The following SYCP3 variants were observed in gnomAD, a reference collection of about 807,000 sequenced individuals.
The protein encoded by SYCP3 is synaptonemal complex protein 3.
A neutral mutation model predicts 38.5 loss-of-function variants in SYCP3; 29 were observed. The observed-to-expected ratio is 0.75, with a 90% CI of 0.56 to 1.03. The LOEUF (loss-of-function observed/expected upper bound fraction) is 1.03, where lower values mean the gene tolerates loss of function less well. Among genes scored for constraint, SYCP3 ranks in the 50% least tolerant of loss-of-function variants. The probability of loss-of-function intolerance (pLI) is 0.00; values close to 1 mark genes in which losing one functional copy is unlikely to be tolerated. For missense variants in SYCP3, 242 were observed against 270.7 expected (o/e 0.89, Z 0.74); for synonymous variants, 79 against 80.3 (o/e 0.98, Z 0.08).
rs773962913 is a variant in SYCP3, at chr12:101,733,559, T to C, written c.453+16A>G. The C allele has an allele frequency of 6.2e-7, 1 of 1,605,942 alleles. No homozygotes were observed. Among genetic ancestry groups the C allele is most frequent in the Non-Finnish European group, 8.5e-7 (1 of 1,174,776 alleles). ...CTTGAGACTTGGTTGATTATAAACCTAATCATGATACCAACAAGTATTTTT... is the reference window on the plus strand; with the variant it reads ...CTTGAGACTTGGTTGATTATAAACCCAATCATGATACCAACAAGTATTTTT... On this transcript the variant is annotated intron_variant, in intron 6 of 8. Coordinates refer to ENST00000392924, the MANE Select transcript of SYCP3 (RefSeq NM_001177949.2).
chr12:101,729,400 G>A, intron 7 of SYCP3, 187 bp from the exon 8 acceptor site: 2 of 602,048 alleles, frequency 3.3e-6, no homozygotes, highest in Non-Finnish European at 5.7e-6. Context: ...TATAAGACAT[G>A]AATAAAATGT....
chr12:101,728,886 T>C lies in SYCP3; in HGVS notation c.*41A>G. On this transcript the variant is annotated 3_prime_UTR_variant, in exon 9 of 9. Transcript: ENST00000392924. ...TGCTTCTTAGCTAACGTTATAATTG[T>C]ATCATATTACTTAGGTTCAAGTTCT... The C allele has an allele frequency of 6.2e-7, 1 of 1,612,696 alleles. No individual in the cohort carries two copies. Among genetic ancestry groups the C allele is most frequent in the Middle Eastern group, 1.7e-4 (1 of 6,008 alleles).
In SYCP3 at chr12:101,731,511, C is replaced by A; in HGVS notation, c.552+57G>T. On this transcript the variant is annotated intron_variant, in intron 7 of 8. Transcript: ENST00000392924. ...TAAACTTAGAAAGAATTATCTTCTA[C>A]TTCCATAAATATATTATGTTTTATA... 4.2e-6 allele frequency: 5 copies of A among 1,191,310 alleles called. 1 individual carries two copies. Among genetic ancestry groups the A allele is most frequent in the Non-Finnish European group, 5.8e-6 (5 of 866,848 alleles). 73.8% of individuals were successfully genotyped at this position (1,191,310 alleles called of 1,614,324 possible). A position where few individuals can be genotyped will look rare whatever the true frequency, so the allele number is the denominator to read the frequency against.
chr12:101,733,493 G>T, intron 6 of SYCP3, 82 bp downstream of exon 6: 6 of 1,286,266 alleles, frequency 4.7e-6, no homozygotes, highest in Non-Finnish European at 6.7e-6. Context: ...ACCTGGCTCA[G>T]TTCCACTGGT....
At chr12:101,729,252 C>T in intron 7 of SYCP3, 39 bp from the exon 8 acceptor site, 1 of 1,583,664 alleles carries the variant, frequency 6.3e-7, no homozygotes, top group Non-Finnish European at 8.7e-7. Context: ...CAAAGGACCA[C>T]TTTTCATCTC....
In SYCP3 at chr12:101,728,868, T is replaced by C. The variant is rs752282731; in HGVS notation, c.*59A>G. Reference sequence around the variant, plus strand: ...TTCTAAAGACTTACAATATGCTTCTTAGCTAACGTTATAATTGTATCATAT... The same window carrying C: ...TTCTAAAGACTTACAATATGCTTCTCAGCTAACGTTATAATTGTATCATAT... On this transcript the variant is annotated 3_prime_UTR_variant, in exon 9 of 9. Coordinates refer to ENST00000392924, the MANE Select transcript of SYCP3 (RefSeq NM_001177949.2). 1.1e-5 allele frequency: 18 copies of C among 1,609,346 alleles called. No individual in the cohort carries two copies. In the South Asian group the frequency reaches 2.0e-4, roughly 18 times the overall value.
intron 2 of SYCP3, 110 bp from the exon 3 acceptor site, chr12:101,737,408 C>T (rs1222862885): frequency 1.9e-6 from 2 of 1,030,228 alleles, no homozygotes; most frequent in South Asian, 2.8e-5. Context: ...TTTTTGCCAA[C>T]ATACAGTTTC....
intron 4 of SYCP3, among the ~76,000 whole-genome samples, chr12:101,735,871 A>ATATATTTTTT: frequency 1.3e-5 from 1 of 74,788 alleles, no homozygotes; most frequent in African/African-American, 6.3e-5. Flanking sequence ...ATATATATAT[A>ATATATTTTTT]TTTTTTTTTT....
chr12:101,734,100 C>T (rs910634282), intron 5 of SYCP3, among the ~76,000 whole-genome samples: 2 of 152,012 alleles, frequency 1.3e-5, no homozygotes, highest in African/African-American at 4.8e-5. Context: ...TTTGGCTTAA[C>T]AAAAGATTTT....
chr12:101,728,896 C>CT lies in SYCP3; in HGVS notation c.*30dup, dbSNP rs1474210309. The CT allele has an allele frequency of 6.2e-7, 1 of 1,613,154 alleles. No homozygotes were observed. Among genetic ancestry groups the CT allele is most frequent in the Admixed American group, 1.7e-5 (1 of 59,972 alleles). ...CTAACGTTATAATTGTATCATATTA[C>CT]TTAGGTTCAAGTTCTTTCTTCAAAG... On this transcript the variant is annotated 3_prime_UTR_variant, in exon 9 of 9. Transcript: ENST00000392924.
At chr12:101,731,249 G>A (rs547622778) in intron 7 of SYCP3, among the ~76,000 whole-genome samples, 1 of 152,220 alleles carries the variant, frequency 6.6e-6, no homozygotes, top group East Asian at 1.9e-4. Flanking sequence ...ACCTAAAAAT[G>A]ATTATTATAG....
intron 4 of SYCP3, among the ~76,000 whole-genome samples, chr12:101,736,714 G>A (rs202156198): frequency 1.4e-4 from 9 of 63,500 alleles, no homozygotes; most frequent in African/African-American, 3.5e-4. Context: ...GTATATGTGT[G>A]TGTGTGTGTG....
At position 101,728,682 on chromosome 12, in the gene SYCP3, TAGAG is replaced by T. The variant is rs370467855; in HGVS notation, c.*241_*244del. ...ATCGTCTTTATTTAATTGACAGTGT[TAGAG>T]AGAAAAATTCACTATCATTACTAAA... is the stretch of plus-strand genomic sequence containing the variant. On this transcript the variant is annotated 3_prime_UTR_variant, in exon 9 of 9. Coordinates refer to ENST00000392924, the MANE Select transcript of SYCP3 (RefSeq NM_001177949.2). The T allele has an allele frequency of 7.4e-3, 3,821 of 519,402 alleles. 20 individuals are homozygous for T. The highest frequency in any genetic ancestry group is 0.029 in the Middle Eastern group (53 of 1,842). The allele number at this position is 519,402 out of a possible 1,614,324, so 32.2% of individuals were successfully genotyped here.
chr12:101,735,044 AC>A lies in SYCP3; in HGVS notation c.236-1del. 6.4e-7 allele frequency: 1 copy of A among 1,572,706 alleles called. No individual in the cohort carries two copies. The highest frequency in any genetic ancestry group is 8.7e-7 in the Non-Finnish European group (1 of 1,143,630). The stretch of plus-strand genomic sequence containing the variant: ...GGCAAGAAGAGCCTTGTTAATGTCA[AC>A]TAGATTGAAAATAAAAATTCATTAA... On this transcript the variant is annotated splice_acceptor_variant, in intron 4 of 8. Coordinates refer to ENST00000392924, the MANE Select transcript of SYCP3 (RefSeq NM_001177949.2). LOFTEE classifies it high-confidence loss of function.
chr12:101,733,684 A>T lies in SYCP3; in HGVS notation c.354-10T>A. ...TTGGTTAAGCTTCTGCCTGTAAAAC[A>T]TAATGATGAATTATTGTCATATTTC... On this transcript the variant is annotated splice_polypyrimidine_tract_variant and intron_variant, in intron 5 of 8. Coordinates refer to ENST00000392924, the MANE Select transcript of SYCP3 (RefSeq NM_001177949.2). The T allele has an allele frequency of 5.0e-6, 8 of 1,605,446 alleles. No individual in the cohort carries two copies. Among genetic ancestry groups the T allele is most frequent in the Non-Finnish European group, 6.8e-6 (8 of 1,177,302 alleles).
intron 4 of SYCP3, among the ~76,000 whole-genome samples, chr12:101,736,478 T>C (rs1004713138): frequency 1.3e-5 from 2 of 152,164 alleles, no homozygotes; most frequent in Non-Finnish European, 2.9e-5. Flanking sequence ...AAAGCTCATA[T>C]TATTGATACT....
chr12:101,728,729 C>A lies in SYCP3; in HGVS notation c.*198G>T. 1.5e-6 allele frequency: 1 copy of A among 676,784 alleles called. No homozygotes were observed. Among genetic ancestry groups the A allele is most frequent in the Non-Finnish European group, 2.4e-6 (1 of 412,608 alleles). 41.9% of individuals were successfully genotyped at this position (676,784 alleles called of 1,614,324 possible). On this transcript the variant is annotated 3_prime_UTR_variant, in exon 9 of 9. Transcript: ENST00000392924. The stretch of plus-strand genomic sequence containing the variant: ...TTACTAAAGAGCTGAAAGCTTAATA[C>A]ATATTCTTTAGGAATAGTTGCTAAC...
chr12:101,737,016 C>G lies in SYCP3; in HGVS notation c.235+21G>C, dbSNP rs1284377143. 3.1e-6 allele frequency: 5 copies of G among 1,612,306 alleles called. No individual in the cohort carries two copies. The African/African-American group carries it at 4.0e-5, about 13-fold the overall frequency. ...GGCTTAAAACAATTTTCTTTAAATA[C>G]AAGTATCTCCTAAAACCTACCTCCA... On this transcript the variant is annotated intron_variant, in intron 4 of 8. Transcript: ENST00000392924.
intron 4 of SYCP3, 30 bp from the exon 5 acceptor site, chr12:101,735,074 T>G: frequency 6.8e-7 from 1 of 1,473,226 alleles, no homozygotes; most frequent in Non-Finnish European, 9.5e-7. Flanking sequence ...TCATTAAAAT[T>G]TAATGTTGAA....
Sources: allele counts gnomAD v4.1 joint callset (sites outside exome capture counted in the v4.1 genomes callset), GRCh38; gene constraint gnomAD v4.1.1; transcripts MANE v1.5; gene names NCBI Gene and HGNC (gene_info 2026-07-23, HGNC 2026-07-21).